The following ROBO2 variants were observed in gnomAD, a reference collection of about 807,000 sequenced individuals.
The protein encoded by ROBO2 is roundabout guidance receptor 2.
Under a neutral mutation model 160.8 loss-of-function variants are expected in ROBO2, and 53 were observed. That is an observed-to-expected ratio of 0.33 (90% confidence interval 0.26 to 0.41). The LOEUF (loss-of-function observed/expected upper bound fraction) is 0.41, where lower values mean the gene tolerates loss of function less well. Among genes scored for constraint, ROBO2 ranks in the 10% least tolerant of loss-of-function variants. ROBO2 has a pLI of 1.00. For synonymous variants in ROBO2, 664 were observed against 611.7 expected (o/e 1.09, Z -1.26); for missense variants, 1,577 against 1,722.4 (o/e 0.92, Z 1.49).
chr3:76,810,549 A>G (rs2065081658), intron 2 of ROBO2, among the ~76,000 whole-genome samples: 1 of 152,150 alleles, frequency 6.6e-6, no homozygotes, highest in Non-Finnish European at 1.5e-5. Flanking sequence ...AGAAAAGAGT[A>G]AAGAGAGGAA....
At chr3:76,693,300 G>T (rs2092851118) in intron 2 of ROBO2, among the ~76,000 whole-genome samples, 1 of 147,964 alleles carries the variant, frequency 6.8e-6, no homozygotes, top group African/African-American at 2.5e-5. Context: ...TCTATATGTA[G>T]TGTGTGTATA....
At chr3:77,159,307 C>G (rs780761433) in intron 2 of ROBO2, among the ~76,000 whole-genome samples, 1 of 152,076 alleles carries the variant, frequency 6.6e-6, no homozygotes, top group Non-Finnish European at 1.5e-5. Context: ...TTAGTTATTC[C>G]CACTCCAATC....
chr3:77,071,099 G>A (rs972751774), intron 1 of ROBO2, among the ~76,000 whole-genome samples: 9 of 152,144 alleles, frequency 5.9e-5, no homozygotes, highest in African/African-American at 2.2e-4. Flanking sequence ...TGAAAGGAAA[G>A]TCCCTTCTGA....
intron 5 of ROBO2, among the ~76,000 whole-genome samples, chr3:77,514,978 C>G (rs2089849281): frequency 6.6e-6 from 1 of 151,674 alleles, no homozygotes; most frequent in African/African-American, 2.4e-5. Flanking sequence ...ATAACTGCCT[C>G]CATATGTGGT....
intron 2 of ROBO2, among the ~76,000 whole-genome samples, chr3:76,521,687 G>A (rs1205196968): frequency 2.6e-5 from 4 of 152,136 alleles, no homozygotes; most frequent in African/African-American, 7.2e-5. Flanking sequence ...TCATTGCAAA[G>A]TAAAGGCTGG....
intron 2 of ROBO2, among the ~76,000 whole-genome samples, chr3:76,348,903 C>G (rs1229694696): frequency 6.6e-6 from 1 of 152,068 alleles, no homozygotes; most frequent in Non-Finnish European, 1.5e-5. Flanking sequence ...GAAATGCCAT[C>G]AAGGAGTGGA....
chr3:76,677,497 AG>A (rs1300804476), intron 2 of ROBO2, among the ~76,000 whole-genome samples: 2 of 152,148 alleles, frequency 1.3e-5, no homozygotes. Flanking sequence ...CCATTGGTCT[AG>A]GTTCTGCCTC....
chr3:75,916,924 A>G (rs1233070677), intron 1 of ROBO2, among the ~76,000 whole-genome samples: 3 of 152,128 alleles, frequency 2.0e-5, no homozygotes, highest in Non-Finnish European at 4.4e-5. Flanking sequence ...ATTATTTAAC[A>G]TATATTCACA....
intron 1 of ROBO2, among the ~76,000 whole-genome samples, chr3:77,079,264 A>C (rs191981470): frequency 2.6e-4 from 39 of 152,274 alleles, no homozygotes; most frequent in Admixed American, 2.3e-3. Context: ...TTAATTATTT[A>C]ATTCAACTAT....
chr3:76,701,848 TAA>T (rs34039752), intron 2 of ROBO2, among the ~76,000 whole-genome samples: 2,762 of 143,338 alleles, frequency 0.019, 64 homozygotes, highest in African/African-American at 0.054. Flanking sequence ...TGTAGCAGTC[TAA>T]AAAAAAAAAA....
chr3:76,620,977 C>G (rs2089025181), intron 2 of ROBO2, among the ~76,000 whole-genome samples: 1 of 152,080 alleles, frequency 6.6e-6, no homozygotes, highest in Non-Finnish European at 1.5e-5. Context: ...TAGGAATGAA[C>G]AGGAGAAAGT....
chr3:76,618,881 C>T (rs2088815921), intron 2 of ROBO2, among the ~76,000 whole-genome samples: 1 of 151,660 alleles, frequency 6.6e-6, no homozygotes, highest in African/African-American at 2.4e-5. Flanking sequence ...GATAGGAGAG[C>T]CCACAAGAAA....
chr3:77,448,186 G>A (rs1272749541), intron 2 of ROBO2, among the ~76,000 whole-genome samples: 2 of 152,084 alleles, frequency 1.3e-5, no homozygotes, highest in African/African-American at 4.8e-5. Context: ...AACACCTCAT[G>A]GGGCCTTGCT....
At chr3:77,126,100 C>T (rs951207791) in intron 2 of ROBO2, among the ~76,000 whole-genome samples, 3 of 152,142 alleles carry the variant, frequency 2.0e-5, no homozygotes, top group Non-Finnish European at 2.9e-5. Context: ...TAAAGTTATA[C>T]ATTCTAATTG....
intron 2 of ROBO2, among the ~76,000 whole-genome samples, chr3:76,983,210 G>A (rs539767916): frequency 1.3e-5 from 2 of 152,200 alleles, no homozygotes; most frequent in Non-Finnish European, 1.5e-5. Flanking sequence ...GCTTGAGCCC[G>A]GAAGGTGGGG....
intron 2 of ROBO2, among the ~76,000 whole-genome samples, chr3:76,495,945 T>G (rs1031891005): frequency 1.3e-5 from 2 of 152,198 alleles, no homozygotes; most frequent in African/African-American, 4.8e-5. Context: ...TGTAATGAAT[T>G]TAATTAACAG....
intron 2 of ROBO2, among the ~76,000 whole-genome samples, chr3:77,194,307 C>T (rs186086905): frequency 1.3e-5 from 2 of 152,240 alleles, no homozygotes; most frequent in Admixed American, 1.3e-4. Flanking sequence ...GCCTAGTTGT[C>T]CTGTGGTCCC....
chr3:76,542,555 A>G lies in ROBO2; in HGVS notation c.110-555459A>G, dbSNP rs1379112784. Reference sequence around the variant, plus strand: ...ACTGCTGTTTACTGACTGAATAGAAATTCTAAGGAACAGTAACCTAAGGCT... The same window carrying G: ...ACTGCTGTTTACTGACTGAATAGAAGTTCTAAGGAACAGTAACCTAAGGCT... On this transcript the variant is annotated intron_variant, in intron 2 of 26. Coordinates refer to the ROBO2 transcript ENST00000487694. Among the ~76,000 whole-genome samples the G allele has an allele frequency of 3.3e-5, 5 of 152,156 alleles. No individual in the cohort carries two copies. In the South Asian group the frequency reaches 8.3e-4, roughly 25 times the overall value.
chr3:77,501,364 CA>C (rs2087580454), intron 5 of ROBO2, among the ~76,000 whole-genome samples: 2 of 151,986 alleles, frequency 1.3e-5, no homozygotes, highest in Admixed American at 1.3e-4. Flanking sequence ...GTGCACAAGA[CA>C]ATTTGTGGTT....
Sources: gnomAD v4.1 joint callset for allele counts (sites outside exome capture counted in the v4.1 genomes callset) on GRCh38, gnomAD v4.1.1 for gene constraint, MANE v1.5 for transcripts, NCBI Gene and HGNC (gene_info 2026-07-23, HGNC 2026-07-21) for gene names.